ME1: variants seen among roughly 807,000 people sequenced by gnomAD.
ME1 encodes malic enzyme 1.
Under a neutral mutation model 66.4 loss-of-function variants are expected in ME1, and 74 were observed. The ratio of observed to expected loss-of-function variants is 1.11; its 90% CI spans 0.92 to 1.35. ME1 has a LOEUF of 1.35. ME1 is among the 40% of genes most tolerant of loss of function. The probability of loss-of-function intolerance (pLI) is 0.00; values close to 1 mark genes in which losing one functional copy is unlikely to be tolerated. For synonymous variants in ME1, 251 were observed against 235.6 expected (o/e 1.07, Z -0.60); for missense variants, 750 against 694.1 (o/e 1.08, Z -0.90).
At chr6:83,269,236 T>C (rs1767044384) in intron 6 of ME1, among the ~76,000 whole-genome samples, 1 of 151,870 alleles carries the variant, frequency 6.6e-6, no homozygotes, top group Non-Finnish European at 1.5e-5. Flanking sequence ...TGTTCCTCTA[T>C]CATTTATGTT....
At chr6:83,242,087 C>G (rs1790519258) in intron 7 of ME1, among the ~76,000 whole-genome samples, 1 of 152,024 alleles carries the variant, frequency 6.6e-6, no homozygotes, top group Non-Finnish European at 1.5e-5. Context: ...GGTCTCACAC[C>G]CCTGACCTCA....
At chr6:83,295,571 G>A (rs6924718) in intron 6 of ME1, among the ~76,000 whole-genome samples, 5,796 of 151,940 alleles carry the variant, frequency 0.038, 374 homozygotes, top group African/African-American at 0.13. Context: ...GTGCAATGGC[G>A]CAATCTCAGA....
chr6:83,377,156 G>T (rs1480419831), intron 3 of ME1, among the ~76,000 whole-genome samples: 3 of 152,116 alleles, frequency 2.0e-5, no homozygotes, highest in Non-Finnish European at 4.4e-5. Flanking sequence ...AAAAATCTTG[G>T]TAAAGACTTT....
At chr6:83,333,628 G>C (rs1173497266) in intron 5 of ME1, among the ~76,000 whole-genome samples, 1 of 152,130 alleles carries the variant, frequency 6.6e-6, no homozygotes, top group Non-Finnish European at 1.5e-5. Flanking sequence ...AGCTCAAATG[G>C]AGAAAGTAAT....
rs138981541 is a variant in ME1 at position 83,214,262 on chromosome 6, G to C, written c.1549-2168C>G. Among the ~76,000 whole-genome samples, 85 of 152,234 alleles carry C rather than the reference G, an allele frequency of 5.6e-4. 1 individual carries two copies. The highest frequency in any genetic ancestry group is 2.0e-3 in the African/African-American group (84 of 41,546). On this transcript the variant is annotated intron_variant, in intron 13 of 13. Coordinates refer to ENST00000369705, the MANE Select transcript of ME1 (RefSeq NM_002395.6). ...TCTTTCTGCTCCCAGTTATACCATA[G>C]AAATAATCCCTTCTCCCAATGAAAT...
At chr6:83,343,326 G>A (rs1056924576) in intron 5 of ME1, among the ~76,000 whole-genome samples, 3 of 152,004 alleles carry the variant, frequency 2.0e-5, no homozygotes, top group Admixed American at 6.6e-5. Flanking sequence ...ACTCAATGTT[G>A]GTCTAATTCA....
intron 3 of ME1, among the ~76,000 whole-genome samples, chr6:83,364,553 G>T (rs980225318): frequency 1.3e-5 from 2 of 152,062 alleles, no homozygotes; most frequent in Non-Finnish European, 2.9e-5. Context: ...AGCAGTTCTG[G>T]TTCCTTTTGG....
intron 3 of ME1, among the ~76,000 whole-genome samples, chr6:83,360,138 A>T (rs556607204): frequency 6.6e-6 from 1 of 152,304 alleles, no homozygotes; most frequent in Non-Finnish European, 1.5e-5. Flanking sequence ...CAATTTCCAG[A>T]CTTGAGCCAG....
intron 6 of ME1, among the ~76,000 whole-genome samples, chr6:83,255,311 A>G (rs769798688): frequency 2.4e-4 from 36 of 151,724 alleles, no homozygotes; most frequent in Non-Finnish European, 4.3e-4. Context: ...TAAGAATAGT[A>G]CCTTCTGTTA....
At chr6:83,294,944 C>T (rs1767570970) in intron 6 of ME1, among the ~76,000 whole-genome samples, 3 of 152,200 alleles carry the variant, frequency 2.0e-5, no homozygotes, top group Non-Finnish European at 4.4e-5. Flanking sequence ...GAGATTGCTC[C>T]AGAACCGTGG....
Position 83,227,418 on chromosome 6 carries a change from T to TGAA in ME1, c.1189_1191dup (p.Phe397dup). On this transcript the variant is annotated inframe_insertion, in exon 11 of 14. Transcript: ENST00000369705. Reference sequence around the variant, plus strand: ...AAAGCAAAAATAATAGGCCGTTCATTGAAGGCAGCCATATCTTTGAGAATT... The same window carrying TGAA: ...AAAGCAAAAATAATAGGCCGTTCATTGAAGAAGGCAGCCATATCTTTGAGAATT... The TGAA allele has an allele frequency of 1.2e-6, 2 of 1,605,566 alleles. No individual in the cohort carries two copies. The highest frequency in any genetic ancestry group is 2.7e-5 in the African/African-American group (2 of 74,908).
At chr6:83,306,438 TTCTC>T (rs1767825833) in intron 6 of ME1, among the ~76,000 whole-genome samples, 1 of 152,058 alleles carries the variant, frequency 6.6e-6, no homozygotes, top group Non-Finnish European at 1.5e-5. Flanking sequence ...ATTAAGGGCT[TTCTC>T]TATATAAATC....
At chr6:83,375,519 T>A (rs185588546) in intron 3 of ME1, among the ~76,000 whole-genome samples, 31 of 152,262 alleles carry the variant, frequency 2.0e-4, no homozygotes, top group African/African-American at 7.0e-4. Context: ...TTTCTAGATA[T>A]AGGATCATGT....
At chr6:83,268,728 G>GTTATTATTATTATTATTATTATTA (rs57723634) in intron 6 of ME1, among the ~76,000 whole-genome samples, 14 of 143,786 alleles carry the variant, frequency 9.7e-5, no homozygotes, top group African/African-American at 2.4e-4. Flanking sequence ...ACCATGCCCC[G>GTTATTATTATTATTATTATTATTA]TTATTATTAT....
intron 2 of ME1, among the ~76,000 whole-genome samples, chr6:83,403,430 C>T (rs748131611): frequency 6.6e-6 from 1 of 152,190 alleles, no homozygotes; most frequent in Non-Finnish European, 1.5e-5. Context: ...ACAGCACATT[C>T]TCGCTGCATC....
At chr6:83,243,393 T>A (rs1207368475) in intron 7 of ME1, among the ~76,000 whole-genome samples, 1 of 60,920 alleles carries the variant, frequency 1.6e-5, no homozygotes, top group Non-Finnish European at 3.1e-5. Context: ...TTTATATATT[T>A]ATATAATATA....
chr6:83,389,996 GTATC>G (rs1470973590), intron 3 of ME1, among the ~76,000 whole-genome samples: 1 of 151,908 alleles, frequency 6.6e-6, no homozygotes, highest in Non-Finnish European at 1.5e-5. Flanking sequence ...CCCACATAAA[GTATC>G]TATGCCAAAA....
chr6:83,214,211 C>T (rs1789950251), intron 13 of ME1, among the ~76,000 whole-genome samples: 1 of 152,154 alleles, frequency 6.6e-6, no homozygotes, highest in African/African-American at 2.4e-5. Context: ...TCATTACTGA[C>T]ATAGACTATG....
At chr6:83,289,356 T>G (rs1367792896) in intron 6 of ME1, among the ~76,000 whole-genome samples, 1 of 152,238 alleles carries the variant, frequency 6.6e-6, no homozygotes. Context: ...GTTTTTAGCA[T>G]GAAAGGCTGT....
Sources: allele counts gnomAD v4.1 joint callset (sites outside exome capture counted in the v4.1 genomes callset), GRCh38; gene constraint gnomAD v4.1.1; transcripts MANE v1.5; gene names NCBI Gene and HGNC (gene_info 2026-07-23, HGNC 2026-07-21).